The following TMEM132D variants were observed in gnomAD, a reference collection of about 807,000 sequenced individuals.
TMEM132D encodes the protein transmembrane protein 132D, also known as mature OL transmembrane protein.
TMEM132D carries 21 observed loss-of-function variants against 62.3 expected under a neutral mutation model. The ratio of observed to expected loss-of-function variants is 0.34; its 90% CI spans 0.24 to 0.49. The LOEUF (loss-of-function observed/expected upper bound fraction) is 0.49. Ranked by LOEUF, TMEM132D falls within the 20% of genes least tolerant of loss-of-function variation. The probability of loss-of-function intolerance (pLI) is 0.99; values close to 1 mark genes in which losing one functional copy is unlikely to be tolerated. For synonymous variants in TMEM132D, 621 were observed against 575.6 expected, an observed-to-expected ratio of 1.08 and a Z score of -1.13; for missense variants, 1,346 against 1,402.8, an observed-to-expected ratio of 0.96 and a Z score of 0.65.
At chr12:129,751,616 A>G (rs1009871961) in intron 1 of TMEM132D, among the ~76,000 whole-genome samples, 2 of 152,194 alleles carry the variant, frequency 1.3e-5, no homozygotes, top group African/African-American at 4.8e-5. Context: ...TAACTTTGGA[A>G]GGCATTTGCT....
chr12:129,504,134 C>T (rs1875257390), intron 3 of TMEM132D, among the ~76,000 whole-genome samples: 1 of 151,990 alleles, frequency 6.6e-6, no homozygotes. Flanking sequence ...AACACCATCA[C>T]CACCCTCATC....
intron 3 of TMEM132D, among the ~76,000 whole-genome samples, chr12:129,414,298 A>G (rs370339703): frequency 2.0e-5 from 3 of 152,234 alleles, no homozygotes; most frequent in African/African-American, 4.8e-5. Context: ...CAGCAAACAC[A>G]TAAGATGCAT....
chr12:129,424,060 AT>A (rs1225854596), intron 3 of TMEM132D, among the ~76,000 whole-genome samples: 3 of 152,282 alleles, frequency 2.0e-5, no homozygotes, highest in East Asian at 3.9e-4. Context: ...TAAGTACTAC[AT>A]TTTTTGATAC....
At chr12:129,534,433 A>AT (rs78299983) in intron 2 of TMEM132D, among the ~76,000 whole-genome samples, 29,261 of 150,628 alleles carry the variant, frequency 0.19, 3,076 homozygotes, top group South Asian at 0.25. Flanking sequence ...ATATATATAT[A>AT]AAAATATATA....
At chr12:129,354,162 C>T (rs1869960300) in intron 3 of TMEM132D, among the ~76,000 whole-genome samples, 1 of 152,018 alleles carries the variant, frequency 6.6e-6, no homozygotes, top group Admixed American at 6.6e-5. Context: ...GGCACAGAGA[C>T]CTGAAAACAA....
intron 4 of TMEM132D, 63 bp downstream of exon 4, chr12:129,337,571 C>G (rs112209339): frequency 6.3e-7 from 1 of 1,593,076 alleles, no homozygotes; most frequent in Non-Finnish European, 8.6e-7. Context: ...GGACTCAGTG[C>G]GGCGCCGGCG....
At chr12:129,598,782 C>T (rs550701777) in intron 2 of TMEM132D, among the ~76,000 whole-genome samples, 1 of 152,272 alleles carries the variant, frequency 6.6e-6, no homozygotes, top group East Asian at 1.9e-4. Context: ...TTCTGCTTTT[C>T]AAGAATTCAT....
At chr12:129,392,424 T>C (rs972082492) in intron 3 of TMEM132D, among the ~76,000 whole-genome samples, 3 of 152,226 alleles carry the variant, frequency 2.0e-5, no homozygotes, top group African/African-American at 7.2e-5. Flanking sequence ...CAGAGTTCCC[T>C]GGAGCCATTT....
intron 1 of TMEM132D, among the ~76,000 whole-genome samples, chr12:129,869,587 T>C (rs575185051): frequency 6.6e-6 from 1 of 152,342 alleles, no homozygotes; most frequent in African/African-American, 2.4e-5. Context: ...ATATTTTCAA[T>C]CTGAAGTTGG....
At chr12:129,172,908 T>C (rs1054045276) in intron 5 of TMEM132D, among the ~76,000 whole-genome samples, 1 of 152,112 alleles carries the variant, frequency 6.6e-6, no homozygotes. Flanking sequence ...TCTCAGGGAA[T>C]AGGCAGGCCC....
At chr12:129,735,144 T>A (rs1232113920) in intron 1 of TMEM132D, among the ~76,000 whole-genome samples, 1 of 152,170 alleles carries the variant, frequency 6.6e-6, no homozygotes, top group Non-Finnish European at 1.5e-5. Flanking sequence ...ACCTCTTAAT[T>A]ACAGAGCAAT....
chr12:129,121,205 C>T (rs556212526), intron 5 of TMEM132D, among the ~76,000 whole-genome samples: 1 of 152,144 alleles, frequency 6.6e-6, no homozygotes, highest in Non-Finnish European at 1.5e-5. Context: ...AAGCGATTCT[C>T]CTGCCTCAGC....
At chr12:129,833,707 T>C (rs1872914481) in intron 1 of TMEM132D, among the ~76,000 whole-genome samples, 2 of 152,312 alleles carry the variant, frequency 1.3e-5, no homozygotes, top group Middle Eastern at 3.4e-3. Context: ...AATAAAGCTG[T>C]ACCCATGTGA....
At chr12:129,571,288 G>A (rs61943480) in intron 2 of TMEM132D, among the ~76,000 whole-genome samples, 37,067 of 152,106 alleles carry the variant, frequency 0.24, 5,862 homozygotes, top group Non-Finnish European at 0.35. Context: ...ATTTAAGGCC[G>A]GGCGTGGTGG....
intron 2 of TMEM132D, among the ~76,000 whole-genome samples, chr12:129,562,807 G>A (rs141819302): frequency 1.7e-3 from 257 of 152,158 alleles, no homozygotes; most frequent in African/African-American, 6.0e-3. Flanking sequence ...CCCAACCTTC[G>A]TTCCACCTGG....
intron 2 of TMEM132D, among the ~76,000 whole-genome samples, chr12:129,556,100 G>A (rs1003842390): frequency 6.6e-6 from 1 of 152,160 alleles, no homozygotes; most frequent in Non-Finnish European, 1.5e-5. Context: ...ACAGGCCACA[G>A]GGTGCTCCAC....
At chr12:129,417,848 A>T (rs1385624419) in intron 3 of TMEM132D, among the ~76,000 whole-genome samples, 1 of 152,202 alleles carries the variant, frequency 6.6e-6, no homozygotes, top group African/African-American at 2.4e-5. Flanking sequence ...ACCTAAACAA[A>T]TTTACAAGAA....
At chr12:129,888,985 A>G (rs916671147) in intron 1 of TMEM132D, among the ~76,000 whole-genome samples, 3 of 152,180 alleles carry the variant, frequency 2.0e-5, no homozygotes, top group African/African-American at 7.2e-5. Flanking sequence ...TTATGGTCTT[A>G]TAAGAGGCAG....
chr12:129,129,638 C>G (rs1371357674), intron 5 of TMEM132D, among the ~76,000 whole-genome samples: 1 of 152,116 alleles, frequency 6.6e-6, no homozygotes, highest in Non-Finnish European at 1.5e-5. Context: ...TTTGCACAGC[C>G]TCGCCAGCTC....
Sources: allele counts gnomAD v4.1 joint callset (sites outside exome capture counted in the v4.1 genomes callset), GRCh38; gene constraint gnomAD v4.1.1; transcripts MANE v1.5; gene names NCBI Gene and HGNC (gene_info 2026-07-23, HGNC 2026-07-21).